The following OTC variants were observed in gnomAD, a reference collection of about 807,000 sequenced individuals.
OTC encodes ornithine transcarbamylase, mitochondrial.
Under a neutral mutation model 30.3 loss-of-function variants are expected in OTC, and 3 were observed. The ratio of observed to expected loss-of-function variants is 0.10; its 90% CI spans 0.05 to 0.26. The LOEUF is 0.26. Ranked by LOEUF, OTC falls within the 10% of genes least tolerant of loss-of-function variation. The pLI, the probability that OTC is intolerant of heterozygous loss-of-function variation, is 1.00. For synonymous variants in OTC, 111 were observed against 99.7 expected, an observed-to-expected ratio of 1.11 and a Z score of -0.67; for missense variants, 194 against 260.3, an observed-to-expected ratio of 0.75 and a Z score of 1.75.
chrX:38,382,770 C>T (rs12854106), intron 4 of OTC, among the ~76,000 whole-genome samples: 1,524 of 112,180 alleles, frequency 0.014, 13 homozygotes, highest in Non-Finnish European at 0.02. Flanking sequence ...CAGTGAGGAT[C>T]CTCTATATAG....
chrX:38,328,766 G>C, the OTC span, among the ~76,000 whole-genome samples: 2 of 112,234 alleles, frequency 1.8e-5, no homozygotes, highest in African/African-American at 3.2e-5. Context: ...ATGCTTTGTA[G>C]AGAATAAACT....
chrX:38,422,600 T>G (rs543547933), downstream of OTC, among the ~76,000 whole-genome samples: 25 of 112,327 alleles, frequency 2.2e-4, 1 homozygote, highest in South Asian at 9.3e-3. Flanking sequence ...GAACTTGTAA[T>G]AATTTTCTTG....
chrX:38,340,433 C>T, the OTC span, among the ~76,000 whole-genome samples: 8 of 102,835 alleles, frequency 7.8e-5, no homozygotes, highest in African/African-American at 1.1e-4. Context: ...AATACAGTCA[C>T]AGTTTGCTCC....
upstream of OTC, among the ~76,000 whole-genome samples, chrX:38,348,536 T>A (rs2068199695): frequency 1.9e-5 from 1 of 53,604 alleles, no homozygotes; most frequent in East Asian, 6.2e-4. Context: ...AGGAACTTTT[T>A]TTTTCTTTTT....
intron 4 of OTC, among the ~76,000 whole-genome samples, chrX:38,384,907 TA>T (rs774249048): frequency 8.9e-6 from 1 of 112,830 alleles, no homozygotes; most frequent in East Asian, 2.8e-4. Flanking sequence ...ATTGTTCATT[TA>T]TTCAGAAATA....
intron 1 of OTC, among the ~76,000 whole-genome samples, chrX:38,365,118 T>G (rs1306830154): frequency 8.9e-6 from 1 of 112,913 alleles, no homozygotes; most frequent in African/African-American, 3.2e-5. Context: ...TAACTCTTCA[T>G]CCCAAGTAGC....
At position 38,408,942 on chromosome X, in the gene OTC, A is replaced by G; in HGVS notation, c.784A>G (p.Thr262Ala). Reference protein sequence around the residue: ...EAAHGGNVLITDTWISMGQEE... With the variant: ...EAAHGGNVLIADTWISMGQEE... The stretch of plus-strand genomic sequence containing the variant: ...AGCGCATGGAGGCAATGTATTAATT[A>G]CAGACACTTGGATAAGCATGGGACA... Residue 262 changes from threonine to alanine, a missense_variant, in exon 8 of 10, where the codon ACA becomes GCA. Transcript: ENST00000039007. The G allele has an allele frequency of 8.3e-7, 1 of 1,210,621 alleles. No individual in the cohort carries two copies. Among genetic ancestry groups the G allele is most frequent in the Non-Finnish European group, 1.1e-6 (1 of 894,396 alleles).
chrX:38,419,307 T>C (rs2068584006), intron 9 of OTC, among the ~76,000 whole-genome samples: 1 of 112,127 alleles, frequency 8.9e-6, no homozygotes, highest in African/African-American at 3.2e-5. Context: ...CAAGATTGCT[T>C]TATCTATGTG....
chrX:38,329,242 G>A, the OTC span, among the ~76,000 whole-genome samples: 1 of 111,233 alleles, frequency 9.0e-6, no homozygotes, highest in Non-Finnish European at 1.9e-5. Context: ...AAGAGCTGGC[G>A]ACATTGGAGT....
intron 3 of OTC, among the ~76,000 whole-genome samples, chrX:38,378,679 G>A (rs2068361479): frequency 8.9e-6 from 1 of 112,260 alleles, no homozygotes; most frequent in Non-Finnish European, 1.9e-5. Flanking sequence ...ATACAGTGAG[G>A]CCAGGACTTG....
At chrX:38,350,915 A>G (rs1448207550), upstream of OTC, among the ~76,000 whole-genome samples, 1 of 111,830 alleles carries the variant, frequency 8.9e-6, no homozygotes, top group Non-Finnish European at 1.9e-5. Context: ...GTTTGGCCTC[A>G]TCTCCCTCAG....
At chrX:38,399,451 A>T (rs1470129044) in intron 4 of OTC, among the ~76,000 whole-genome samples, 1 of 111,519 alleles carries the variant, frequency 9.0e-6, no homozygotes, top group Non-Finnish European at 1.9e-5. Context: ...TCAAGAGTTT[A>T]AAAAACTCTC....
intron 1 of OTC, among the ~76,000 whole-genome samples, chrX:38,358,096 A>C: frequency 9.0e-6 from 1 of 111,332 alleles, no homozygotes; most frequent in Non-Finnish European, 1.9e-5. Context: ...AGGAGACTCG[A>C]ATAATGCATT....
intron 4 of OTC, among the ~76,000 whole-genome samples, chrX:38,385,666 AT>A (rs1021013293): frequency 1.0e-3 from 104 of 103,696 alleles, no homozygotes; most frequent in African/African-American, 3.4e-3. Context: ...TTTGAACCTG[AT>A]TTTTTTTTAA....
At chrX:38,364,820 A>G (rs2068287683) in intron 1 of OTC, among the ~76,000 whole-genome samples, 1 of 110,661 alleles carries the variant, frequency 9.0e-6, no homozygotes, top group African/African-American at 3.3e-5. Flanking sequence ...CAATCAACCA[A>G]TTAGCCAACC....
intron 4 of OTC, among the ~76,000 whole-genome samples, chrX:38,392,016 A>G (rs2068430770): frequency 8.9e-6 from 1 of 112,234 alleles, no homozygotes; most frequent in African/African-American, 3.2e-5. Context: ...TTAAAGTTTC[A>G]TGCCGTGCCT....
the OTC span, among the ~76,000 whole-genome samples, chrX:38,347,323 A>G: frequency 4.1e-4 from 46 of 111,933 alleles, no homozygotes; most frequent in African/African-American, 1.3e-3. Flanking sequence ...GTCCTAAATG[A>G]CTAAGATTCC....
intron 9 of OTC, among the ~76,000 whole-genome samples, chrX:38,412,624 G>A (rs1427533576): frequency 8.9e-6 from 1 of 111,762 alleles, no homozygotes; most frequent in East Asian, 2.8e-4. Context: ...TATCCCAAAT[G>A]TCACCTGCTC....
At position 38,411,944 on chromosome X, in the gene OTC, A is replaced by G. The variant is rs1232880655; in HGVS notation, c.950A>G (p.Tyr317Cys). 8.3e-7 allele frequency: 1 copy of G among 1,207,716 alleles called. No homozygotes were observed. The highest frequency in any genetic ancestry group is 1.7e-5 in the African/African-American group (1 of 57,187). The part of the protein sequence containing the change: ...KPEEVDDEVF[Y>C]SPRSLVFPEA... The stretch of plus-strand genomic sequence containing the variant: ...GAAGAAGTGGATGATGAAGTCTTTT[A>G]TTCTCCTCGATCACTAGTGTTCCCA... The change falls in exon 9 of 10, where the codon TAT becomes TGT. Residue 317 changes from tyrosine to cysteine, a missense_variant. By Grantham distance (194) the Tyr-to-Cys change is radical. Transcript: ENST00000039007.
Sources: allele counts gnomAD v4.1 joint callset (sites outside exome capture counted in the v4.1 genomes callset), GRCh38; gene constraint gnomAD v4.1.1; transcripts MANE v1.5; gene names NCBI Gene and HGNC (gene_info 2026-07-23, HGNC 2026-07-21).